Variants in CPEB1 observed in about 807,000 individuals in gnomAD.
CPEB1 encodes the protein cytoplasmic polyadenylation element binding protein 1.
In CPEB1, 7 loss-of-function variants were observed where a neutral mutation model predicts 65.8. The ratio of observed to expected loss-of-function variants is 0.11; its 90% CI spans 0.06 to 0.20. The LOEUF is 0.20. Among genes scored for constraint, CPEB1 ranks in the 10% least tolerant of loss-of-function variants. The pLI is 1.00. For missense variants in CPEB1, 551 were observed against 712.2 expected, an observed-to-expected ratio of 0.77 and a Z score of 2.58; for synonymous variants, 262 against 260.0, an observed-to-expected ratio of 1.01 and a Z score of -0.08.
intron 3 of CPEB1, among the ~76,000 whole-genome samples, chr15:82,605,381 T>G (rs911136645): frequency 7.2e-5 from 11 of 152,080 alleles, no homozygotes; most frequent in African/African-American, 2.4e-4. Context: ...ATTTAAAAGA[T>G]AACCAAATGG....
chr15:82,572,848 G>A, intron 3 of CPEB1: 1 of 565,072 alleles, frequency 1.8e-6, no homozygotes, highest in South Asian at 2.8e-5. Context: ...CACAGCTCCA[G>A]CAACAAAGAC....
chr15:82,590,271 A>T (rs1567205424), intron 3 of CPEB1, among the ~76,000 whole-genome samples: 1 of 150,534 alleles, frequency 6.6e-6, no homozygotes, highest in Admixed American at 6.6e-5. Context: ...TCCTAAGAAA[A>T]CTCTGTAATT....
At chr15:82,607,162 A>ATCT (rs1567217682) in intron 3 of CPEB1, among the ~76,000 whole-genome samples, 2 of 151,400 alleles carry the variant, frequency 1.3e-5, no homozygotes, top group Non-Finnish European at 2.9e-5. Context: ...TGGCAGGTGT[A>ATCT]TATCTTATCA....
chr15:82,639,631 A>G (rs1364903604), intron 1 of CPEB1, among the ~76,000 whole-genome samples: 1 of 152,198 alleles, frequency 6.6e-6, no homozygotes, highest in African/African-American at 2.4e-5. Context: ...TACAGAAAAG[A>G]TTTAAAGTAA....
At chr15:82,617,724 GTTTTTTTTTTTTTT>G (rs35267620) in intron 3 of CPEB1, among the ~76,000 whole-genome samples, 1 of 83,818 alleles carries the variant, frequency 1.2e-5, no homozygotes, top group South Asian at 4.9e-4. Context: ...TTCTATTAAA[GTTTTTTTTTTTTTT>G]TTTTTTTTTT....
chr15:82,560,468 A>C (rs1202531626), intron 4 of CPEB1, among the ~76,000 whole-genome samples: 1 of 147,918 alleles, frequency 6.8e-6, no homozygotes, highest in African/African-American at 2.5e-5. Flanking sequence ...GGCTCACTTC[A>C]ACCTCAATCT....
chr15:82,583,015 G>A (rs2041443052), intron 3 of CPEB1, among the ~76,000 whole-genome samples: 1 of 151,856 alleles, frequency 6.6e-6, no homozygotes, highest in Non-Finnish European at 1.5e-5. Context: ...TGCTGTAGGA[G>A]TTTAATTCTT....
chr15:82,629,900 T>G, intron 1 of CPEB1: 1 of 985,406 alleles, frequency 1.0e-6, no homozygotes, highest in Non-Finnish European at 1.2e-6. Context: ...CACGTCAGCC[T>G]CAAGTTCTTG....
At chr15:82,577,366 T>C (rs2040768594) in intron 3 of CPEB1, among the ~76,000 whole-genome samples, 1 of 151,760 alleles carries the variant, frequency 6.6e-6, no homozygotes, top group Non-Finnish European at 1.5e-5. Context: ...ACTGCAAAGG[T>C]GTATTTTTAA....
At chr15:82,639,352 A>G (rs921745591) in intron 1 of CPEB1, among the ~76,000 whole-genome samples, 4 of 152,178 alleles carry the variant, frequency 2.6e-5, no homozygotes, top group East Asian at 1.9e-4. Context: ...CCAACACTCT[A>G]TAAGGTTCCC....
chr15:82,599,058 A>G (rs188212802), intron 3 of CPEB1, among the ~76,000 whole-genome samples: 4 of 152,206 alleles, frequency 2.6e-5, no homozygotes, highest in Admixed American at 2.6e-4. Context: ...ATACCAGACG[A>G]TCCATTGGAG....
At chr15:82,555,496 G>C (rs1233282766) in intron 6 of CPEB1, among the ~76,000 whole-genome samples, 1 of 152,188 alleles carries the variant, frequency 6.6e-6, no homozygotes, top group Non-Finnish European at 1.5e-5. Flanking sequence ...ATGTGGAGAG[G>C]GTAGACAAAA....
chr15:82,624,214 C>G (rs1466134716), intron 3 of CPEB1, among the ~76,000 whole-genome samples: 1 of 152,168 alleles, frequency 6.6e-6, no homozygotes, highest in Non-Finnish European at 1.5e-5. Flanking sequence ...CAGCCCTGAG[C>G]TGAATCACAA....
chr15:82,577,907 G>A (rs940408840), intron 3 of CPEB1, among the ~76,000 whole-genome samples: 11 of 152,028 alleles, frequency 7.2e-5, no homozygotes, highest in Non-Finnish European at 1.3e-4. Flanking sequence ...TTGGGAGGCC[G>A]AGGCAGGTGG....
At chr15:82,617,866 T>C (rs890637615) in intron 3 of CPEB1, among the ~76,000 whole-genome samples, 20 of 148,800 alleles carry the variant, frequency 1.3e-4, no homozygotes, top group Non-Finnish European at 2.4e-4. Flanking sequence ...CCCAAGTAGC[T>C]GGGACTACAG....
intron 3 of CPEB1, among the ~76,000 whole-genome samples, chr15:82,609,896 AC>A: frequency 6.6e-6 from 1 of 152,138 alleles, no homozygotes; most frequent in South Asian, 2.1e-4. Context: ...CTCCGTCTCT[AC>A]TAAAAATACA....
At chr15:82,558,532 C>T (rs1266180740) in intron 4 of CPEB1, among the ~76,000 whole-genome samples, 1 of 152,206 alleles carries the variant, frequency 6.6e-6, no homozygotes, top group African/African-American at 2.4e-5. Context: ...CTTCAATGTA[C>T]CCCTGAACTT....
Position 82,544,546 on chromosome 15 carries a change from C to A in CPEB1, c.*46G>T. On this transcript the variant is annotated 3_prime_UTR_variant, in exon 13 of 13. Transcript: ENST00000684509. Reference sequence around the variant, plus strand: ...AGGGTGGTGCAGGCTGCTTGCCTGACCTGCCAGCTTTGGGCGCCACAGGCC... The same window carrying A: ...AGGGTGGTGCAGGCTGCTTGCCTGAACTGCCAGCTTTGGGCGCCACAGGCC... The A allele has an allele frequency of 6.7e-7, 1 of 1,493,222 alleles. No individual in the cohort carries two copies. 92.5% of individuals were successfully genotyped at this position (1,493,222 alleles called of 1,614,324 possible). A position where few individuals can be genotyped will look rare whatever the true frequency, so the allele number is the denominator to read the frequency against.
chr15:82,631,252 A>G (rs1339043590), intron 1 of CPEB1, among the ~76,000 whole-genome samples: 1 of 152,182 alleles, frequency 6.6e-6, no homozygotes, highest in African/African-American at 2.4e-5. Context: ...ACACCTTCCC[A>G]AATCAAGGCA....
Sources: gnomAD v4.1 joint callset for allele counts (sites outside exome capture counted in the v4.1 genomes callset) on GRCh38, gnomAD v4.1.1 for gene constraint, MANE v1.5 for transcripts, NCBI Gene and HGNC (gene_info 2026-07-23, HGNC 2026-07-21) for gene names.